INPP5F: variants seen among roughly 807,000 people sequenced by gnomAD.
The protein encoded by INPP5F is phosphatidylinositide 4-phosphatase SAC2.
In INPP5F, 97 loss-of-function variants were observed where a neutral mutation model predicts 137.2. That is an observed-to-expected ratio of 0.71 (90% CI 0.60 to 0.84). The LOEUF (loss-of-function observed/expected upper bound fraction) is 0.84, where lower values mean the gene tolerates loss of function less well. INPP5F is among the 40% of genes least tolerant of loss of function. The pLI, the probability that INPP5F is intolerant of heterozygous loss-of-function variation, is 0.00. For synonymous variants in INPP5F, 504 were observed against 476.9 expected (o/e 1.06, Z -0.74); for missense variants, 1,271 against 1,371.9 (o/e 0.93, Z 1.16).
Position 119,827,624 on chromosome 10 carries a change from T to A in INPP5F, c.3243T>A (p.Val1081=), listed in dbSNP as rs552783556. 1 of 1,614,190 alleles carries A rather than the reference T, an allele frequency of 6.2e-7. No homozygotes were observed. Among genetic ancestry groups the A allele is most frequent in the South Asian group, 1.1e-5 (1 of 91,082 alleles). The change falls in exon 20 of 20, where the codon GTT becomes GTA. Residue 1081 remains valine (V), a synonymous_variant. Coordinates refer to ENST00000650623, the MANE Select transcript of INPP5F (RefSeq NM_014937.4). ...AGATTCGAAGTTCCATGGTCCAGGT[T>A]GCTAGTATTACCCAAGCTGGATTAA... The part of the protein sequence containing the change: ...FAKIRSSMVQ[V]ASITQAGLTH...
At chr10:119,801,741 A>C (rs1190156300) in intron 9 of INPP5F, among the ~76,000 whole-genome samples, 1 of 152,208 alleles carries the variant, frequency 6.6e-6, no homozygotes, top group Non-Finnish European at 1.5e-5. Context: ...CTCTGTCTCC[A>C]AAATAAGTAA....
intron 9 of INPP5F, among the ~76,000 whole-genome samples, chr10:119,802,889 G>A (rs375538971): frequency 6.6e-6 from 1 of 152,136 alleles, no homozygotes; most frequent in Non-Finnish European, 1.5e-5. Flanking sequence ...TAGTATTCAC[G>A]TTTGCCTAGG....
At chr10:119,812,165 A>G (rs560981652) in intron 15 of INPP5F, among the ~76,000 whole-genome samples, 1 of 152,356 alleles carries the variant, frequency 6.6e-6, no homozygotes, top group African/African-American at 2.4e-5. Context: ...AATGAAGAAA[A>G]ATATTTTAGT....
At position 119,781,672 on chromosome 10, in the gene INPP5F, A is replaced by G. The variant is rs769388708; in HGVS notation, c.216A>G (p.Ala72=). The change falls in exon 3 of 20, where the codon GCA becomes GCG. Residue 72 remains alanine (A), a synonymous_variant. Coordinates refer to ENST00000650623, the MANE Select transcript of INPP5F (RefSeq NM_014937.4). Reference sequence around the variant, plus strand: ...GGCTTATTCTAATTCGGCAGAAAGCATTGGTGGGCAAACTCCCAGGAGACC... The same window carrying G: ...GGCTTATTCTAATTCGGCAGAAAGCGTTGGTGGGCAAACTCCCAGGAGACC... ...PWWLILIRQK[A]LVGKLPGDHE... 1 of 1,612,786 alleles carries G rather than the reference A, an allele frequency of 6.2e-7. No individual in the cohort carries two copies. Among genetic ancestry groups the G allele is most frequent in the Non-Finnish European group, 8.5e-7 (1 of 1,179,106 alleles).
chr10:119,820,714 C>T, intron 15 of INPP5F, 132 bp from the exon 16 acceptor site: 1 of 669,176 alleles, frequency 1.5e-6, no homozygotes, highest in South Asian at 1.7e-5. Context: ...CAGTAGAACT[C>T]ATTGATTACC....
In INPP5F at chr10:119,807,946, T is replaced by G. The variant is rs1355727502; in HGVS notation, c.1455T>G (p.Gly485=). Residue 485 remains glycine, a synonymous_variant, in exon 13 of 20, where the codon GGT becomes GGG. Coordinates refer to ENST00000650623, the MANE Select transcript of INPP5F (RefSeq NM_014937.4). ...VVMEQQLKKL[G]VMPPEQPLPV... ...GTTCATTTTAGCTGAAAAAATTAGG[T>G]GTGATGCCCCCGGAACAGCCATTAC... 1 of 1,610,684 alleles carries G rather than the reference T, an allele frequency of 6.2e-7. No individual in the cohort carries two copies. Among genetic ancestry groups the G allele is most frequent in the East Asian group, 2.2e-5 (1 of 44,810 alleles).
intron 1 of INPP5F, among the ~76,000 whole-genome samples, chr10:119,750,634 C>T (rs547016074): frequency 6.6e-6 from 1 of 152,322 alleles, no homozygotes; most frequent in African/African-American, 2.4e-5. Flanking sequence ...TTCCGGATTT[C>T]TTTGTTTGGT....
chr10:119,816,622 A>G (rs1313358438), intron 15 of INPP5F: 3 of 152,270 alleles, frequency 2.0e-5, no homozygotes, highest in African/African-American at 7.2e-5. Context: ...AGTTTGCTAT[A>G]GAACCTCTGT....
At chr10:119,765,367 A>C in intron 2 of INPP5F, among the ~76,000 whole-genome samples, 1 of 151,802 alleles carries the variant, frequency 6.6e-6, no homozygotes, top group East Asian at 1.9e-4. Flanking sequence ...TAAAAGTTGT[A>C]TGTGGATATT....
chr10:119,797,442 T>A lies in INPP5F; in HGVS notation c.869-19T>A. The A allele has an allele frequency of 6.3e-7, 1 of 1,575,818 alleles. No individual in the cohort carries two copies. Among genetic ancestry groups the A allele is most frequent in the Non-Finnish European group, 8.6e-7 (1 of 1,157,212 alleles). On this transcript the variant is annotated intron_variant, in intron 7 of 19. Coordinates refer to ENST00000650623, the MANE Select transcript of INPP5F (RefSeq NM_014937.4). The stretch of plus-strand genomic sequence containing the variant: ...AATTTTTTAAAATGTTGCTGTTTTC[T>A]GTTTTAATTTTCTTTCAGGAATGCG...
chr10:119,818,624 G>A (rs1851395204), intron 15 of INPP5F: 1 of 152,358 alleles, frequency 6.6e-6, no homozygotes, highest in South Asian at 2.1e-4. Context: ...GAGCGCGCAT[G>A]CGCACTGGCC....
chr10:119,817,855 C>A lies in INPP5F; in HGVS notation c.1887-2991C>A, dbSNP rs373315347. Among the ~76,000 whole-genome samples the A allele has an allele frequency of 3.3e-5, 5 of 152,200 alleles. No individual in the cohort carries two copies. The East Asian group carries it at 7.7e-4, about 23-fold the overall frequency. ...AATTTTGATTTTAAAAAATATTGCACCAATTGTCTTGTTGACAAAATTAAT... is the reference window on the plus strand; with the variant it reads ...AATTTTGATTTTAAAAAATATTGCAACAATTGTCTTGTTGACAAAATTAAT... On this transcript the variant is annotated intron_variant, in intron 15 of 19. Coordinates refer to ENST00000650623, the MANE Select transcript of INPP5F (RefSeq NM_014937.4).
intron 2 of INPP5F, among the ~76,000 whole-genome samples, chr10:119,769,512 T>G (rs956688507): frequency 1.3e-5 from 2 of 152,080 alleles, no homozygotes; most frequent in Admixed American, 1.3e-4. Flanking sequence ...TGGTCATGTG[T>G]GTGAGGGTGT....
intron 19 of INPP5F, among the ~76,000 whole-genome samples, chr10:119,825,559 G>T (rs1324089221): frequency 6.6e-6 from 1 of 152,128 alleles, no homozygotes; most frequent in East Asian, 1.9e-4. Flanking sequence ...CACAACTCAC[G>T]TGGCCACAAG....
rs1351694611 is a variant in INPP5F at position 119,827,418 on chromosome 10, C to G, written c.3037C>G (p.Gln1013Glu). Residue 1013 changes from glutamine (Q) to glutamate (E), a missense_variant, in exon 20 of 20, where the codon CAA becomes GAA. Gln to Glu is a conservative substitution (Grantham distance 29). Coordinates refer to ENST00000650623, the MANE Select transcript of INPP5F (RefSeq NM_014937.4). ...STEQTPSRPS[Q>E]LDVSLSATGP... Reference sequence around the variant, plus strand: ...AGAACAGACACCTTCTCGGCCATCGCAATTAGATGTCTCTCTTTCTGCAAC... The same window carrying G: ...AGAACAGACACCTTCTCGGCCATCGGAATTAGATGTCTCTCTTTCTGCAAC... The G allele has an allele frequency of 3.1e-6, 5 of 1,614,168 alleles. No homozygotes were observed. Among genetic ancestry groups the G allele is most frequent in the Admixed American group, 1.7e-5 (1 of 60,016 alleles).
chr10:119,763,909 A>C (rs1177755022), intron 2 of INPP5F, among the ~76,000 whole-genome samples: 1 of 152,238 alleles, frequency 6.6e-6, no homozygotes, highest in Non-Finnish European at 1.5e-5. Flanking sequence ...TAGAACATGC[A>C]CAAATTTCAA....
At chr10:119,764,741 C>T (rs1006854517) in intron 2 of INPP5F, among the ~76,000 whole-genome samples, 13 of 151,988 alleles carry the variant, frequency 8.6e-5, no homozygotes, top group African/African-American at 3.1e-4. Context: ...GCCACCATGC[C>T]TGGCTAATTT....
Position 119,748,101 on chromosome 10 carries a change from G to A in INPP5F, c.98-2975G>A, listed in dbSNP as rs1436765772. Among the ~76,000 whole-genome samples the A allele has an allele frequency of 6.6e-6, 1 of 152,214 alleles. No homozygotes were observed. The highest frequency in any genetic ancestry group is 1.9e-4 in the East Asian group (1 of 5,194). ...TGCCTGCCAATGGCAAGCCAGGTGC[G>A]GAGTGGCGAGTGGTGTATGAGCGAG... On this transcript the variant is annotated intron_variant, in intron 1 of 19. Transcript: ENST00000650623. This position sits in a 1 kb window ranked among gnomAD's most constrained non-coding sequence, Gnocchi z 4.7.
intron 15 of INPP5F, among the ~76,000 whole-genome samples, chr10:119,820,484 T>C (rs1028197697): frequency 5.9e-5 from 9 of 152,074 alleles, no homozygotes; most frequent in African/African-American, 2.2e-4. Context: ...TTTAGATGAT[T>C]TCTCCCTTCT....
Sources: gnomAD v4.1 joint callset for allele counts (sites outside exome capture counted in the v4.1 genomes callset) on GRCh38, gnomAD v4.1.1 for gene constraint, Gnocchi (gnomAD v3.1) non-coding constraint, MANE v1.5 for transcripts, NCBI Gene and HGNC (gene_info 2026-07-23, HGNC 2026-07-21) for gene names.